The following GALNT13 variants were observed in gnomAD, a reference collection of about 807,000 sequenced individuals.
GALNT13 encodes the protein polypeptide N-acetylgalactosaminyltransferase 13, also known as UDP-GalNAc:polypeptide N-acetylgalactosaminyltransferase 13.
GALNT13 carries 28 observed loss-of-function variants against 64.2 expected under a neutral mutation model. The observed-to-expected ratio is 0.44, with a 90% CI of 0.32 to 0.60. GALNT13 has a LOEUF of 0.60. Among genes scored for constraint, GALNT13 ranks in the 20% least tolerant of loss-of-function variants. The probability of loss-of-function intolerance (pLI) is 0.05; values close to 1 mark genes in which losing one functional copy is unlikely to be tolerated. For synonymous variants in GALNT13, 214 were observed against 224.6 expected, an observed-to-expected ratio of 0.95 and a Z score of 0.42; for missense variants, 577 against 669.8, an observed-to-expected ratio of 0.86 and a Z score of 1.53.
At chr2:153,870,674 G>T (rs1252539309), upstream of GALNT13, among the ~76,000 whole-genome samples, 1 of 151,270 alleles carries the variant, frequency 6.6e-6, no homozygotes, top group Non-Finnish European at 1.5e-5. Context: ...CTCACGAAAA[G>T]ATATAAAGAT....
chr2:153,875,099 C>T (rs1348588), intron 1 of GALNT13, among the ~76,000 whole-genome samples: 38,537 of 127,678 alleles, frequency 0.3, 6,986 homozygotes, highest in East Asian at 0.88. Context: ...TTTATGGATT[C>T]CCCTACTGCT....
At chr2:154,273,402 T>TA (rs1691460365) in intron 8 of GALNT13, among the ~76,000 whole-genome samples, 2 of 152,144 alleles carry the variant, frequency 1.3e-5, no homozygotes, top group South Asian at 4.1e-4. Context: ...TCCAAGTCTA[T>TA]AGGATCACAA....
chr2:153,594,416 C>T, the GALNT13 span, among the ~76,000 whole-genome samples: 13 of 152,226 alleles, frequency 8.5e-5, 1 homozygote, highest in Middle Eastern at 6.8e-3. Flanking sequence ...TTGTCTTCCA[C>T]GATACTATCT....
intron 9 of GALNT13, among the ~76,000 whole-genome samples, chr2:154,387,302 A>G (rs1698559166): frequency 6.6e-6 from 1 of 152,076 alleles, no homozygotes; most frequent in Non-Finnish European, 1.5e-5. Context: ...AGGCTTATTC[A>G]TATTTTTAAT....
the GALNT13 span, among the ~76,000 whole-genome samples, chr2:153,771,958 G>C: frequency 6.6e-6 from 1 of 152,140 alleles, no homozygotes. Context: ...GGAGCAGTCC[G>C]GGGCACCCAG....
intron 2 of GALNT13, among the ~76,000 whole-genome samples, chr2:153,907,203 T>C (rs1558846076): frequency 1.3e-5 from 2 of 152,018 alleles, no homozygotes; most frequent in Admixed American, 1.3e-4. Flanking sequence ...GGTTGCCTTT[T>C]CACTCTGATG....
the GALNT13 span, among the ~76,000 whole-genome samples, chr2:153,797,019 G>T: frequency 6.6e-6 from 1 of 152,146 alleles, no homozygotes; most frequent in Non-Finnish European, 1.5e-5. Flanking sequence ...TAAATGGAAA[G>T]GAATGTTTAA....
At chr2:153,720,142 G>T in the GALNT13 span, among the ~76,000 whole-genome samples, 1 of 145,148 alleles carries the variant, frequency 6.9e-6, no homozygotes, top group African/African-American at 2.6e-5. Context: ...TCCTCAAGTG[G>T]GTCCCTGACC....
At chr2:153,945,720 AT>A (rs1691685203) in intron 3 of GALNT13, among the ~76,000 whole-genome samples, 1 of 152,162 alleles carries the variant, frequency 6.6e-6, no homozygotes, top group Non-Finnish European at 1.5e-5. Context: ...CCAAAATTTA[AT>A]TTTTGTTCAA....
chr2:153,678,714 G>C, the GALNT13 span, among the ~76,000 whole-genome samples: 15 of 151,954 alleles, frequency 9.9e-5, no homozygotes, highest in East Asian at 5.8e-4. Context: ...AAATGGACTT[G>C]CGTTGTGTCA....
At chr2:154,270,151 T>C (rs1691276481) in intron 8 of GALNT13, among the ~76,000 whole-genome samples, 1 of 151,594 alleles carries the variant, frequency 6.6e-6, no homozygotes, top group Non-Finnish European at 1.5e-5. Context: ...AAACTTGTAT[T>C]GCTCTTAAAA....
chr2:154,407,489 A>G lies in GALNT13; in HGVS notation c.1297-1495A>G, dbSNP rs1300681621. Among the ~76,000 whole-genome samples, 4 of 152,000 alleles carry G rather than the reference A, an allele frequency of 2.6e-5. No homozygotes were observed. The East Asian group carries it at 5.8e-4, about 22-fold the overall frequency. ...AATTTATCAGTTGTTACCTTCCTTA[A>G]TCCTCTCCAGCTGCAGGTCCTGAAA... On this transcript the variant is annotated intron_variant, in intron 10 of 12. Coordinates refer to ENST00000392825, the MANE Select transcript of GALNT13 (RefSeq NM_052917.4).
At chr2:153,791,671 C>A in the GALNT13 span, among the ~76,000 whole-genome samples, 1 of 152,096 alleles carries the variant, frequency 6.6e-6, no homozygotes, top group East Asian at 1.9e-4. Context: ...ATGGAATCAA[C>A]CTAAATGCCC....
intron 8 of GALNT13, among the ~76,000 whole-genome samples, chr2:154,288,938 C>A (rs1692439610): frequency 6.6e-6 from 1 of 152,228 alleles, no homozygotes; most frequent in African/African-American, 2.4e-5. Flanking sequence ...CTGGACAATG[C>A]CCAGGGGGGA....
chr2:153,922,159 T>C (rs577420784), intron 2 of GALNT13, among the ~76,000 whole-genome samples: 1 of 152,122 alleles, frequency 6.6e-6, no homozygotes, highest in Non-Finnish European at 1.5e-5. Flanking sequence ...TGAATGGATG[T>C]GGGAAATCAG....
At chr2:153,864,609 T>A in the GALNT13 span, among the ~76,000 whole-genome samples, 2 of 152,060 alleles carry the variant, frequency 1.3e-5, no homozygotes, top group Admixed American at 6.6e-5. Flanking sequence ...TTACAAGGGA[T>A]GTGAAGGACC....
At chr2:153,350,435 T>G in the GALNT13 span, among the ~76,000 whole-genome samples, 1 of 146,628 alleles carries the variant, frequency 6.8e-6, no homozygotes, top group Non-Finnish European at 1.5e-5. Context: ...GAGGCTGGAG[T>G]GCAGTGGTAT....
chr2:153,393,993 C>A, the GALNT13 span, among the ~76,000 whole-genome samples: 2 of 19,124 alleles, frequency 1.0e-4, no homozygotes, highest in African/African-American at 5.9e-4. Context: ...CACACACACC[C>A]CCTATTGGTT....
At chr2:153,772,440 C>T in the GALNT13 span, among the ~76,000 whole-genome samples, 1 of 152,154 alleles carries the variant, frequency 6.6e-6, no homozygotes, top group Non-Finnish European at 1.5e-5. Flanking sequence ...GACTCTGCTT[C>T]CTCATGTACT....
Sources: gnomAD v4.1 joint callset for allele counts (sites outside exome capture counted in the v4.1 genomes callset) on GRCh38, gnomAD v4.1.1 for gene constraint, MANE v1.5 for transcripts, NCBI Gene and HGNC (gene_info 2026-07-23, HGNC 2026-07-21) for gene names.